The following SMAP1 variants were observed in gnomAD, a reference collection of about 807,000 sequenced individuals.
SMAP1 encodes the protein small ArfGAP 1, also known as stromal membrane-associated protein 1.
SMAP1 carries 24 observed loss-of-function variants against 58.5 expected under a neutral mutation model. The observed-to-expected ratio is 0.41, with a 90% CI of 0.30 to 0.58. SMAP1 has a LOEUF of 0.58. Ranked by LOEUF, SMAP1 falls within the 20% of genes least tolerant of loss-of-function variation. The pLI is 0.29. For synonymous variants in SMAP1, 216 were observed against 196.6 expected, an observed-to-expected ratio of 1.10 and a Z score of -0.82; for missense variants, 563 against 566.3, an observed-to-expected ratio of 0.99 and a Z score of 0.06.
At chr6:70,752,310 A>C (rs1417708095) in intron 2 of SMAP1, among the ~76,000 whole-genome samples, 1 of 152,210 alleles carries the variant, frequency 6.6e-6, no homozygotes, top group Non-Finnish European at 1.5e-5. Context: ...TCCCAGTTCC[A>C]CTGGATGAAG....
rs79024273 is a variant in SMAP1 at position 70,794,328 on chromosome 6, C to T, written c.495+2559C>T. On this transcript the variant is annotated intron_variant, in intron 5 of 10. Transcript: ENST00000370455. ...CTATGGATGGGAGTCATCTGTGGGT[C>T]AAACTGCATGATGAGTTTAGAACCC... 5.6e-4 allele frequency among the ~76,000 whole-genome samples: 85 copies of T among 152,272 alleles called. No homozygotes were observed. The East Asian group carries it at 0.014, about 26-fold the overall frequency.
chr6:70,821,071 C>G (rs116802746), intron 6 of SMAP1, among the ~76,000 whole-genome samples: 4,997 of 152,110 alleles, frequency 0.033, 306 homozygotes, highest in African/African-American at 0.11. Context: ...ATTTCCCCCC[C>G]TCCCTGCCCC....
At chr6:70,796,180 T>C (rs974717744) in intron 5 of SMAP1, among the ~76,000 whole-genome samples, 89 of 152,238 alleles carry the variant, frequency 5.8e-4, no homozygotes, top group African/African-American at 2.1e-3. Context: ...TATTACTAAC[T>C]TCATAAAGTT....
At position 70,767,099 on chromosome 6, in the gene SMAP1, G is replaced by T. The variant is rs567260992; in HGVS notation, c.339-6251G>T. On this transcript the variant is annotated intron_variant, in intron 3 of 10. Transcript: ENST00000370455. ...TCTGAGGGCTCTGTTCTGTTCCATT[G>T]ATCTTTATCTCTGTTTTGGTACCAA... 3.9e-5 allele frequency among the ~76,000 whole-genome samples: 6 copies of T among 152,222 alleles called. No individual in the cohort carries two copies. In the South Asian group the frequency reaches 1.2e-3, roughly 32 times the overall value.
chr6:70,852,456 C>T (rs1449940287), intron 7 of SMAP1, 84 bp from the exon 8 acceptor site: 1 of 1,249,732 alleles, frequency 8.0e-7, no homozygotes, highest in Admixed American at 3.0e-5. Context: ...TTTTTTTTAA[C>T]CATATATCAA....
At chr6:70,855,426 G>A (rs943134323) in intron 8 of SMAP1, among the ~76,000 whole-genome samples, 2 of 152,182 alleles carry the variant, frequency 1.3e-5, no homozygotes, top group African/African-American at 4.8e-5. Flanking sequence ...TACTATGAGA[G>A]TGGAATCATA....
intron 6 of SMAP1, among the ~76,000 whole-genome samples, chr6:70,817,733 T>C (rs1769701084): frequency 6.6e-6 from 1 of 152,198 alleles, no homozygotes. Flanking sequence ...AATTTGGTAT[T>C]TATTTTGTAC....
rs1414197096 is a variant in SMAP1 at position 70,861,534 on chromosome 6, A to AGAT, written c.*1203_*1205dup. ...AGCTCCATTTAAACAGATGTCCATC[A>AGAT]GATGACAAGAAAGGCTGCTGTACTG... On this transcript the variant is annotated 3_prime_UTR_variant, in exon 11 of 11. Coordinates refer to ENST00000370455, the MANE Select transcript of SMAP1 (RefSeq NM_001044305.3). 2.7e-6 allele frequency: 2 copies of AGAT among 741,658 alleles called. No individual in the cohort carries two copies. Among genetic ancestry groups the AGAT allele is most frequent in the East Asian group, 2.6e-5 (1 of 38,178 alleles). The allele number at this position is 741,658 out of a possible 1,614,324, so 45.9% of individuals were successfully genotyped here.
At chr6:70,843,330 C>G (rs978282478) in intron 7 of SMAP1, among the ~76,000 whole-genome samples, 6 of 152,050 alleles carry the variant, frequency 3.9e-5, no homozygotes, top group Admixed American at 3.3e-4. Flanking sequence ...GCATCTAACC[C>G]AAGTATTAAA....
chr6:70,857,948 C>A lies in SMAP1; in HGVS notation c.988C>A (p.Pro330Thr), dbSNP rs1771504905. 1.2e-6 allele frequency: 2 copies of A among 1,613,912 alleles called. No individual in the cohort carries two copies. The highest frequency in any genetic ancestry group is 1.3e-5 in the African/African-American group (1 of 74,884). The part of the protein sequence containing the change: ...PGVFMGPTNI[P>T]FTSQAPAAFQ... ...TGTATTTATGGGACCCACAAATATA[C>A]CATTTACCTCACAAGCACCAGCTGC... Residue 330 changes from proline (P) to threonine (T), a missense_variant, in exon 10 of 11, where the codon CCA becomes ACA. Pro to Thr is a conservative substitution (Grantham distance 38). Coordinates refer to ENST00000370455, the MANE Select transcript of SMAP1 (RefSeq NM_001044305.3).
chr6:70,852,454 A>G, intron 7 of SMAP1, 86 bp from the exon 8 acceptor site: 1 of 1,248,590 alleles, frequency 8.0e-7, no homozygotes, highest in Non-Finnish European at 1.0e-6. Context: ...CTTTTTTTTT[A>G]ACCATATATC....
intron 7 of SMAP1, among the ~76,000 whole-genome samples, chr6:70,847,062 G>A (rs1470691808): frequency 6.6e-6 from 1 of 152,152 alleles, no homozygotes; most frequent in East Asian, 1.9e-4. Flanking sequence ...AAATTTAAAG[G>A]CACTTGGAAT....
chr6:70,755,091 G>A, intron 3 of SMAP1, 26 bp downstream of exon 3: 1 of 1,545,872 alleles, frequency 6.5e-7, no homozygotes, highest in Non-Finnish European at 8.8e-7. Flanking sequence ...TATTTGTTTT[G>A]AGTTTAAAAA....
intron 1 of SMAP1, among the ~76,000 whole-genome samples, chr6:70,675,065 T>G (rs1006198479): frequency 1.5e-4 from 23 of 151,910 alleles, no homozygotes; most frequent in African/African-American, 5.6e-4. Context: ...ACCAGTTAAC[T>G]TCTAATCTAT....
intron 7 of SMAP1, among the ~76,000 whole-genome samples, chr6:70,837,388 T>G (rs1442844298): frequency 1.3e-5 from 2 of 152,170 alleles, no homozygotes; most frequent in Non-Finnish European, 2.9e-5. Flanking sequence ...GGATTTTTCC[T>G]CTTAGCAAAA....
chr6:70,839,517 C>G (rs1770723097), intron 7 of SMAP1, among the ~76,000 whole-genome samples: 1 of 151,178 alleles, frequency 6.6e-6, no homozygotes, highest in Non-Finnish European at 1.5e-5. Flanking sequence ...GACAGTGGAA[C>G]ATTTTCAGGA....
intron 6 of SMAP1, among the ~76,000 whole-genome samples, chr6:70,817,937 T>G (rs1370912068): frequency 6.6e-6 from 1 of 152,176 alleles, no homozygotes; most frequent in Non-Finnish European, 1.5e-5. Context: ...TTTCATTAGA[T>G]GAAAAAGTGT....
intron 1 of SMAP1, among the ~76,000 whole-genome samples, chr6:70,688,080 G>A (rs1427147600): frequency 1.3e-5 from 2 of 150,994 alleles, no homozygotes; most frequent in Admixed American, 6.6e-5. Context: ...TTCTGGGATC[G>A]GCCTTACTCA....
intron 1 of SMAP1, among the ~76,000 whole-genome samples, chr6:70,703,140 C>T (rs917183497): frequency 7.2e-5 from 11 of 152,068 alleles, no homozygotes; most frequent in African/African-American, 1.4e-4. Context: ...TTCAGTGACA[C>T]GATATGGCTG....
Sources: allele counts gnomAD v4.1 joint callset (sites outside exome capture counted in the v4.1 genomes callset), GRCh38; gene constraint gnomAD v4.1.1; transcripts MANE v1.5; gene names NCBI Gene and HGNC (gene_info 2026-07-23, HGNC 2026-07-21).